The following TMEM132D variants were observed in gnomAD, a reference collection of about 807,000 sequenced individuals.
The protein encoded by TMEM132D is mature OL transmembrane protein.
In TMEM132D, 21 loss-of-function variants were observed where a neutral mutation model predicts 62.3. That is an observed-to-expected ratio of 0.34 (90% CI 0.24 to 0.49). The LOEUF is 0.49. Among genes scored for constraint, TMEM132D ranks in the 20% least tolerant of loss-of-function variants. The pLI, the probability that TMEM132D is intolerant of heterozygous loss-of-function variation, is 0.99. For synonymous variants in TMEM132D, 621 were observed against 575.6 expected, an observed-to-expected ratio of 1.08 and a Z score of -1.13; for missense variants, 1,346 against 1,402.8, an observed-to-expected ratio of 0.96 and a Z score of 0.65.
rs61023654 is a variant in TMEM132D, at chr12:129,323,483, A to G, written c.1299+14151T>C. ...AAAACCACTGCTGGTGAACCGAAGAAAATTAAATTGATTCTGAAGAAAAGT... is the reference window on the plus strand; with the variant it reads ...AAAACCACTGCTGGTGAACCGAAGAGAATTAAATTGATTCTGAAGAAAAGT... On this transcript the variant is annotated intron_variant, in intron 4 of 8. Transcript: ENST00000422113. 9.1e-3 allele frequency among the ~76,000 whole-genome samples: 1,388 copies of G among 152,348 alleles called. 30 individuals carry two copies. Among genetic ancestry groups the G allele is most frequent in the African/African-American group, 0.032 (1,311 of 41,562 alleles).
intron 2 of TMEM132D, among the ~76,000 whole-genome samples, chr12:129,588,682 C>A (rs1232063623): frequency 3.3e-5 from 5 of 150,846 alleles, no homozygotes; most frequent in African/African-American, 1.2e-4. Flanking sequence ...TCACACCATT[C>A]TCCTGTTTCA....
chr12:129,103,717 C>T (rs1565965073), intron 5 of TMEM132D, among the ~76,000 whole-genome samples: 1 of 152,180 alleles, frequency 6.6e-6, no homozygotes, highest in Non-Finnish European at 1.5e-5. Context: ...TATCTCCGTA[C>T]AAAATCACAA....
chr12:129,487,034 G>T lies in TMEM132D; in HGVS notation c.1115+44025C>A, dbSNP rs112334338. On this transcript the variant is annotated intron_variant, in intron 3 of 8. Transcript: ENST00000422113. ...GATGTCTGCGAATGTTTGCGTATGG[G>T]GGGGGGGGTTGTGGGTGTAGCTGTG... is the stretch of plus-strand genomic sequence containing the variant. Among the ~76,000 whole-genome samples the T allele has an allele frequency of 7.0e-3, 397 of 56,538 alleles. 4 individuals are homozygous for T. The highest frequency in any genetic ancestry group is 9.9e-3 in the African/African-American group (270 of 27,410). The allele number at this position is 56,538 out of a possible 152,430, so 37.1% of individuals were successfully genotyped here. A position where few individuals can be genotyped will look rare whatever the true frequency, so the allele number is the denominator to read the frequency against.
chr12:129,280,700 T>C (rs1881119232), intron 4 of TMEM132D, among the ~76,000 whole-genome samples: 1 of 152,332 alleles, frequency 6.6e-6, no homozygotes, highest in Admixed American at 6.5e-5. Flanking sequence ...TCTATCTACC[T>C]ACCTATCATC....
chr12:129,200,024 G>C (rs1055627720), intron 5 of TMEM132D, among the ~76,000 whole-genome samples: 1 of 152,104 alleles, frequency 6.6e-6, no homozygotes, highest in Non-Finnish European at 1.5e-5. Flanking sequence ...AGAATGCCGT[G>C]ATTAAAAATC....
chr12:129,800,246 G>A (rs1232834850), intron 1 of TMEM132D, among the ~76,000 whole-genome samples: 1 of 152,122 alleles, frequency 6.6e-6, no homozygotes, highest in East Asian at 1.9e-4. Context: ...TTTTAAAGGG[G>A]AAGAGGAAAT....
At chr12:129,390,434 AGCTG>A (rs71082703) in intron 3 of TMEM132D, among the ~76,000 whole-genome samples, 47,744 of 151,788 alleles carry the variant, frequency 0.31, 7,629 homozygotes, top group Non-Finnish European at 0.34. Flanking sequence ...TTCTATGGCA[AGCTG>A]GCTGGAGTCC....
rs1876009189 is a variant in TMEM132D at position 129,525,721 on chromosome 12, A to ATGAC, written c.1115+5337_1115+5338insGTCA. On this transcript the variant is annotated intron_variant, in intron 3 of 8. Transcript: ENST00000422113. ...CTTTTCCTCTCTGGTCATCTGCCAG[A>ATGAC]CAGACATCACTGCGACGCACAGCAT... 1.3e-5 allele frequency among the ~76,000 whole-genome samples: 2 copies of ATGAC among 152,214 alleles called. 1 individual carries two copies. Among genetic ancestry groups the ATGAC allele is most frequent in the South Asian group, 4.1e-4 (2 of 4,834 alleles).
intron 3 of TMEM132D, among the ~76,000 whole-genome samples, chr12:129,344,164 A>T (rs927053918): frequency 1.3e-5 from 2 of 152,096 alleles, no homozygotes; most frequent in Non-Finnish European, 2.9e-5. Context: ...TTTGCTTTGC[A>T]CTGTGGACTC....
At chr12:129,226,552 C>T (rs528761811) in intron 4 of TMEM132D, among the ~76,000 whole-genome samples, 2 of 152,332 alleles carry the variant, frequency 1.3e-5, no homozygotes, top group African/African-American at 4.8e-5. Flanking sequence ...CACCTGGTAA[C>T]CTAGGACCTC....
At chr12:129,819,268 A>G (rs1052885943) in intron 1 of TMEM132D, among the ~76,000 whole-genome samples, 2 of 152,144 alleles carry the variant, frequency 1.3e-5, no homozygotes, top group African/African-American at 4.8e-5. Flanking sequence ...ATGGCATTTG[A>G]TGAATGGATT....
chr12:129,075,460 CAAATGAAAA>C (rs1308718369), intron 8 of TMEM132D, among the ~76,000 whole-genome samples: 2 of 152,038 alleles, frequency 1.3e-5, no homozygotes, highest in African/African-American at 2.4e-5. Context: ...GTTACACATT[CAAATGAAAA>C]ATATTTATTA....
intron 2 of TMEM132D, among the ~76,000 whole-genome samples, chr12:129,679,358 A>G (rs34962644): frequency 0.031 from 4,786 of 152,212 alleles, 122 homozygotes; most frequent in Non-Finnish European, 0.048. Flanking sequence ...TTATTTTTCT[A>G]TAACACAGGA....
intron 3 of TMEM132D, among the ~76,000 whole-genome samples, chr12:129,458,093 C>T (rs1022045174): frequency 7.2e-5 from 11 of 152,290 alleles, no homozygotes; most frequent in South Asian, 6.2e-4. Context: ...CTTTCAGACA[C>T]AAAGGAGACA....
At position 129,365,511 on chromosome 12, in the gene TMEM132D, G is replaced by A. The variant is rs566670912; in HGVS notation, c.1116-27694C>T. On this transcript the variant is annotated intron_variant, in intron 3 of 8. Coordinates refer to ENST00000422113, the MANE Select transcript of TMEM132D (RefSeq NM_133448.3). Reference sequence around the variant, plus strand: ...GGAGGGTTTCTTGAAAGCAGTCAACGGGGTAGCATTTTGGATGCAAGGTGT... The same window carrying A: ...GGAGGGTTTCTTGAAAGCAGTCAACAGGGTAGCATTTTGGATGCAAGGTGT... 1.2e-4 allele frequency among the ~76,000 whole-genome samples: 19 copies of A among 152,102 alleles called. 1 individual carries two copies. The highest frequency in any genetic ancestry group is 1.7e-4 in the African/African-American group (7 of 41,502).
At chr12:129,398,840 ATCC>A (rs1871511000) in intron 3 of TMEM132D, among the ~76,000 whole-genome samples, 2 of 45,158 alleles carry the variant, frequency 4.4e-5, no homozygotes, top group Non-Finnish European at 4.3e-5. Flanking sequence ...GTATTCATCC[ATCC>A]ATCCATCCAT....
intron 3 of TMEM132D, among the ~76,000 whole-genome samples, chr12:129,491,347 G>T (rs780431229): frequency 2.0e-5 from 3 of 152,144 alleles, no homozygotes; most frequent in Non-Finnish European, 4.4e-5. Flanking sequence ...ACACTGTTTG[G>T]CTGTTCACCA....
intron 2 of TMEM132D, among the ~76,000 whole-genome samples, chr12:129,640,560 T>C (rs1879618129): frequency 6.6e-6 from 1 of 152,152 alleles, no homozygotes; most frequent in African/African-American, 2.4e-5. Context: ...TGCTAAGGTG[T>C]TGGGCACTCC....
intron 2 of TMEM132D, among the ~76,000 whole-genome samples, chr12:129,613,662 C>T (rs949306230): frequency 6.6e-6 from 1 of 152,246 alleles, no homozygotes; most frequent in Non-Finnish European, 1.5e-5. Flanking sequence ...AAGTCAGCAT[C>T]AGAACCGAGA....
Sources: gnomAD v4.1 joint callset for allele counts (sites outside exome capture counted in the v4.1 genomes callset) on GRCh38, gnomAD v4.1.1 for gene constraint, MANE v1.5 for transcripts, NCBI Gene and HGNC (gene_info 2026-07-23, HGNC 2026-07-21) for gene names.